SMAD6: variants seen among roughly 807,000 people sequenced by gnomAD.
SMAD6 encodes MAD homolog 6.
SMAD6 carries 103 observed loss-of-function variants against 39.4 expected under a neutral mutation model. The ratio of observed to expected loss-of-function variants is 2.62; its 90% CI spans 2.23 to 3.08. SMAD6 has a LOEUF of 3.08. SMAD6 is among the 30% of genes most tolerant of loss of function. The pLI is 0.00. For missense variants in SMAD6, 1,104 were observed against 742.9 expected, an observed-to-expected ratio of 1.49 and a Z score of -5.65; for synonymous variants, 445 against 353.3, an observed-to-expected ratio of 1.26 and a Z score of -2.91.
intron 2 of SMAD6, among the ~76,000 whole-genome samples, chr15:66,716,106 C>G (rs528967250): frequency 6.6e-6 from 1 of 152,204 alleles, no homozygotes; most frequent in East Asian, 1.9e-4. Context: ...ACCTTACCCA[C>G]GGAGGCTCCA....
chr15:66,703,480 G>C lies in SMAD6; in HGVS notation c.222G>C (p.Gln74His). Reference protein sequence around the residue: ...APRRPRDAVGQRGAQGAGRRR... With the variant: ...APRRPRDAVGHRGAQGAGRRR... ...GGCGGCCCCGGGACGCAGTGGGACAGCGAGGCGCCCAGGGCGCGGGGAGGC... is the reference window on the plus strand; with the variant it reads ...GGCGGCCCCGGGACGCAGTGGGACACCGAGGCGCCCAGGGCGCGGGGAGGC... Residue 74 changes from glutamine (Q) to histidine (H), a missense_variant, in exon 1 of 4, where the codon CAG becomes CAC. Physicochemically the swap from Gln to His is conservative, Grantham distance 24. Coordinates refer to ENST00000288840, the MANE Select transcript of SMAD6 (RefSeq NM_005585.5). 37 of 1,238,846 alleles carry C rather than the reference G, an allele frequency of 3.0e-5. No homozygotes were observed. Among genetic ancestry groups the C allele is most frequent in the Non-Finnish European group, 3.7e-5 (37 of 987,252 alleles). 76.7% of individuals were successfully genotyped at this position (1,238,846 alleles called of 1,614,324 possible).
Position 66,703,756 on chromosome 15 carries a change from GCTGCTGGAGCAGGAACT to G in SMAD6, c.500_516del (p.Leu167GlnfsTer130). On this transcript the variant is annotated frameshift_variant, in exon 1 of 4. Coordinates refer to ENST00000288840, the MANE Select transcript of SMAD6 (RefSeq NM_005585.5). LOFTEE classifies it high-confidence loss of function. ...GTCGCGAAGCGCGCTCGCGGCTGCT[GCTGCTGGAGCAGGAACT>G]CAAAACCGTCACGTACTCGCTGCTG... 7.1e-7 allele frequency: 1 copy of G among 1,404,530 alleles called. No individual in the cohort carries two copies. The highest frequency in any genetic ancestry group is 9.4e-7 in the Non-Finnish European group (1 of 1,066,666). 87.0% of individuals were successfully genotyped at this position (1,404,530 alleles called of 1,614,324 possible). A position where few individuals can be genotyped will look rare whatever the true frequency, so the allele number is the denominator to read the frequency against.
intron 3 of SMAD6, among the ~76,000 whole-genome samples, chr15:66,741,647 A>C (rs1252408962): frequency 6.6e-6 from 1 of 152,196 alleles, no homozygotes; most frequent in Non-Finnish European, 1.5e-5. Context: ...TAATCAGAGA[A>C]TCTCTAGGGT....
At chr15:66,736,858 C>T (rs1280664623) in intron 3 of SMAD6, among the ~76,000 whole-genome samples, 2 of 152,042 alleles carry the variant, frequency 1.3e-5, no homozygotes, top group African/African-American at 4.8e-5. Flanking sequence ...TTAGTAGAGA[C>T]GGGGTTTCAC....
intron 3 of SMAD6, among the ~76,000 whole-genome samples, chr15:66,728,168 T>G (rs781746745): frequency 2.6e-5 from 4 of 152,186 alleles, no homozygotes; most frequent in Non-Finnish European, 4.4e-5. Context: ...GTGAGCTTTC[T>G]TGTGTCACTA....
intron 3 of SMAD6, among the ~76,000 whole-genome samples, chr15:66,766,955 C>G (rs117680802): frequency 1.1e-4 from 16 of 152,296 alleles, no homozygotes; most frequent in Non-Finnish European, 1.5e-4. Context: ...CAGTTGTGAT[C>G]ACTGCCCTCA....
intron 3 of SMAD6, among the ~76,000 whole-genome samples, chr15:66,756,656 G>A (rs1233070017): frequency 9.1e-6 from 1 of 110,398 alleles, no homozygotes; most frequent in African/African-American, 3.7e-5. Context: ...CCATACACAT[G>A]GCAGAATCTG....
intron 3 of SMAD6, among the ~76,000 whole-genome samples, chr15:66,729,572 T>C (rs936957591): frequency 1.3e-5 from 2 of 152,142 alleles, no homozygotes; most frequent in Admixed American, 6.5e-5. Context: ...GCGTGGTGTT[T>C]TCAGCCGGTT....
At chr15:66,770,803 G>A (rs1268662939) in intron 3 of SMAD6, among the ~76,000 whole-genome samples, 2 of 152,122 alleles carry the variant, frequency 1.3e-5, no homozygotes, top group South Asian at 2.1e-4. Context: ...CCTCCCCAAG[G>A]GCCTGAGGGG....
intron 3 of SMAD6, chr15:66,717,162 T>G: frequency 7.8e-7 from 1 of 1,285,354 alleles, no homozygotes; most frequent in African/African-American, 1.5e-5. Context: ...ACTGGGGACA[T>G]CGAGGGCCAG....
rs1396017345 is a variant in SMAD6 at position 66,747,867 on chromosome 15, C to T, written c.952+31369C>T. On this transcript the variant is annotated intron_variant, in intron 3 of 3. Transcript: ENST00000288840. This position sits in a 1 kb window ranked among gnomAD's most constrained non-coding sequence, Gnocchi z 4.5. ...CTGTCCCTCGTAGGAACCCTTAATCCTTCCCATTCTCACCCCTGCAGAGAT... is the reference window on the plus strand; with the variant it reads ...CTGTCCCTCGTAGGAACCCTTAATCTTTCCCATTCTCACCCCTGCAGAGAT... Among the ~76,000 whole-genome samples, 1 of 152,154 alleles carries T rather than the reference C, an allele frequency of 6.6e-6. No individual in the cohort carries two copies. Among genetic ancestry groups the T allele is most frequent in the Non-Finnish European group, 1.5e-5 (1 of 68,030 alleles).
chr15:66,733,333 C>T (rs1198233494), intron 3 of SMAD6, among the ~76,000 whole-genome samples: 2 of 152,136 alleles, frequency 1.3e-5, no homozygotes, highest in African/African-American at 2.4e-5. Context: ...ACAAAAAAGG[C>T]CTGCTAGGGT....
Position 66,716,444 on chromosome 15 carries a change from T to C in SMAD6, c.898T>C (p.Tyr300His), listed in dbSNP as rs897511578. ...AGATCTGTCCGATTCCACATTGTCT[T>C]ACACTGAAACGGAGGCTACCAACTC... ...PLDLSDSTLS[Y>H]TETEATNSLI... The change falls in exon 3 of 4, where the codon TAC (tyrosine) becomes CAC (histidine). Residue 300 changes from tyrosine to histidine, a missense_variant. Coordinates refer to ENST00000288840, the MANE Select transcript of SMAD6 (RefSeq NM_005585.5). 3.1e-6 allele frequency: 5 copies of C among 1,613,852 alleles called. No homozygotes were observed. The highest frequency in any genetic ancestry group is 3.3e-5 in the Admixed American group (2 of 60,028).
At chr15:66,737,220 G>T (rs941083851) in intron 3 of SMAD6, among the ~76,000 whole-genome samples, 1 of 152,208 alleles carries the variant, frequency 6.6e-6, no homozygotes, top group Non-Finnish European at 1.5e-5. Context: ...TGCATGCTAG[G>T]CTTCTTCACA....
At chr15:66,733,767 C>G (rs1213995417) in intron 3 of SMAD6, among the ~76,000 whole-genome samples, 2 of 152,176 alleles carry the variant, frequency 1.3e-5, no homozygotes, top group South Asian at 2.1e-4. Context: ...CAAGTTGCCT[C>G]AGCCTTTGGG....
chr15:66,714,801 G>A (rs1244689488), intron 2 of SMAD6, among the ~76,000 whole-genome samples: 1 of 152,130 alleles, frequency 6.6e-6, no homozygotes, highest in Non-Finnish European at 1.5e-5. Flanking sequence ...GGCGTGATAG[G>A]GACTTACTAG....
chr15:66,735,833 G>A (rs568419107), intron 3 of SMAD6, among the ~76,000 whole-genome samples: 202 of 152,292 alleles, frequency 1.3e-3, no homozygotes, highest in Non-Finnish European at 2.3e-3. Flanking sequence ...TTGGAGGGAG[G>A]CATCATTGCC....
At chr15:66,705,978 C>T (rs1238693302) in intron 1 of SMAD6, 5 of 151,844 alleles carry the variant, frequency 3.3e-5, no homozygotes, top group East Asian at 3.8e-4. Context: ...GTGCCAGGCA[C>T]GTTCAGGTGG....
chr15:66,732,368 A>G (rs947714427), intron 3 of SMAD6, among the ~76,000 whole-genome samples: 2 of 151,578 alleles, frequency 1.3e-5, no homozygotes, highest in Non-Finnish European at 2.9e-5. Flanking sequence ...TCCTCCCCCA[A>G]AGAAACAGCG....
Sources: allele counts gnomAD v4.1 joint callset (sites outside exome capture counted in the v4.1 genomes callset), GRCh38; gene constraint gnomAD v4.1.1; non-coding constraint Gnocchi (gnomAD v3.1); transcripts MANE v1.5; gene names NCBI Gene and HGNC (gene_info 2026-07-23, HGNC 2026-07-21).